HCN4: variants seen among roughly 807,000 people sequenced by gnomAD.
HCN4 encodes potassium/sodium hyperpolarization-activated cyclic nucleotide-gated channel 4.
A neutral mutation model predicts 76.9 loss-of-function variants in HCN4; 29 were observed. That is an observed-to-expected ratio of 0.38 (90% CI 0.28 to 0.51). The LOEUF (loss-of-function observed/expected upper bound fraction) is 0.51. Ranked by LOEUF, HCN4 falls within the 20% of genes least tolerant of loss-of-function variation. HCN4 has a pLI of 0.90. For synonymous variants in HCN4, 772 were observed against 762.5 expected, an observed-to-expected ratio of 1.01 and a Z score of -0.21; for missense variants, 1,416 against 1,715.2, an observed-to-expected ratio of 0.83 and a Z score of 3.08.
intron 2 of HCN4, among the ~76,000 whole-genome samples, chr15:73,333,651 T>C (rs2042946357): frequency 6.6e-6 from 1 of 152,178 alleles, no homozygotes. Flanking sequence ...GCTGGGAGTC[T>C]TTCCAGGATG....
chr15:73,323,419 C>T lies in HCN4; in HGVS notation c.2674G>A (p.Ala892Thr). Residue 892 changes from alanine to threonine, a missense_variant, in exon 8 of 8, where the codon GCT becomes ACT. Around this residue, in one of 6 missense-constraint regions of HCN4, gnomAD observed 633 missense variants for 579.8 expected, o/e 1.09. Transcript: ENST00000261917. Reference sequence around the variant, plus strand: ...GCTACGCCAGCTGATGGTGTGGGAGCCGAGGGGGAGCCACAGGCCCCGGGG... The same window carrying T: ...GCTACGCCAGCTGATGGTGTGGGAGTCGAGGGGGAGCCACAGGCCCCGGGG... ...PPPGACGSPS[A>T]PTPSAGVAAT... The T allele has an allele frequency of 6.2e-7, 1 of 1,604,204 alleles. No homozygotes were observed. The highest frequency in any genetic ancestry group is 8.5e-7 in the Non-Finnish European group (1 of 1,176,206).
chr15:73,341,845 G>C (rs1284711679), intron 2 of HCN4, among the ~76,000 whole-genome samples: 1 of 152,226 alleles, frequency 6.6e-6, no homozygotes, highest in East Asian at 1.9e-4. Context: ...TATGGCACAT[G>C]CGTTCATGAC....
chr15:73,330,892 G>A (rs780008911), intron 3 of HCN4, among the ~76,000 whole-genome samples: 10 of 152,156 alleles, frequency 6.6e-5, no homozygotes, highest in Non-Finnish European at 1.0e-4. Context: ...GGCCCCCAGC[G>A]GCCTTTACTG....
chr15:73,325,265 C>T lies in HCN4; in HGVS notation c.1737+33G>A. On this transcript the variant is annotated intron_variant, in intron 5 of 7. Coordinates refer to ENST00000261917, the MANE Select transcript of HCN4 (RefSeq NM_005477.3). The surrounding 1 kb of genome is among the most constrained non-coding windows in gnomAD (Gnocchi z 7.4). ...GGAGCTGGCTGCCAGGAAGGCCTGG[C>T]TCCCCTCCACGCCGGGCCGCCACAC... 6.2e-7 allele frequency: 1 copy of T among 1,614,074 alleles called. No individual in the cohort carries two copies. The highest frequency in any genetic ancestry group is 8.5e-7 in the Non-Finnish European group (1 of 1,179,988).
Position 73,357,849 on chromosome 15 carries a change from T to G in HCN4, c.785+9637A>C, listed in dbSNP as rs927803023. Among the ~76,000 whole-genome samples, 17 of 152,142 alleles carry G rather than the reference T, an allele frequency of 1.1e-4. 4 individuals carry two copies. Among genetic ancestry groups the G allele is most frequent in the Admixed American group, 9.8e-4 (15 of 15,292 alleles). On this transcript the variant is annotated intron_variant, in intron 1 of 7. Transcript: ENST00000261917. ...CCACGTGTCCCTGGCCCCCAGGGACTGCAGAACTCTAGGATCATGACTGGC... is the reference window on the plus strand; with the variant it reads ...CCACGTGTCCCTGGCCCCCAGGGACGGCAGAACTCTAGGATCATGACTGGC...
intron 4 of HCN4, among the ~76,000 whole-genome samples, chr15:73,326,353 G>GA (rs2042899325): frequency 2.6e-5 from 4 of 152,188 alleles, no homozygotes; most frequent in Non-Finnish European, 5.9e-5. Flanking sequence ...AAACACCCAC[G>GA]GGCAAATGAG....
In HCN4 at chr15:73,358,542, G is replaced by A. The variant is rs555256215; in HGVS notation, c.785+8944C>T. On this transcript the variant is annotated intron_variant, in intron 1 of 7. Coordinates refer to ENST00000261917, the MANE Select transcript of HCN4 (RefSeq NM_005477.3). ...CTGGGCCTAGTAAGGCAGGAGAAGC[G>A]AGTCTTCTCAAAGGCTGTGCACCTA... is the stretch of plus-strand genomic sequence containing the variant. Among the ~76,000 whole-genome samples, 9 of 152,302 alleles carry A rather than the reference G, an allele frequency of 5.9e-5. 1 individual carries two copies. The South Asian group carries it at 1.4e-3, about 25-fold the overall frequency.
chr15:73,358,281 G>A (rs1045720388), intron 1 of HCN4, among the ~76,000 whole-genome samples: 1 of 152,210 alleles, frequency 6.6e-6, no homozygotes, highest in Non-Finnish European at 1.5e-5. Flanking sequence ...GGCATGAACG[G>A]GACCTGTGGA....
intron 4 of HCN4, among the ~76,000 whole-genome samples, chr15:73,326,549 G>A (rs1031607384): frequency 1.3e-5 from 2 of 152,154 alleles, no homozygotes; most frequent in East Asian, 3.9e-4. Context: ...GGGGTAGGGA[G>A]GCAGGGTCTG....
chr15:73,368,092 G>A lies in HCN4; in HGVS notation c.179C>T (p.Ala60Val). 4 of 1,493,098 alleles carry A rather than the reference G, an allele frequency of 2.7e-6. No homozygotes were observed. Among genetic ancestry groups the A allele is most frequent in the Non-Finnish European group, 3.6e-6 (4 of 1,126,420 alleles). 92.5% of individuals were successfully genotyped at this position (1,493,098 alleles called of 1,614,324 possible). Residue 60 changes from alanine to valine, a missense_variant, in exon 1 of 8, where the codon GCG (alanine) becomes GTG (valine). Coordinates refer to ENST00000261917, the MANE Select transcript of HCN4 (RefSeq NM_005477.3). This position sits in a 1 kb window ranked among gnomAD's most constrained non-coding sequence, Gnocchi z 6.9. ...LRPLPSPSPSAAAGGTESRSS... is the reference protein window; with the variant it reads ...LRPLPSPSPSVAAGGTESRSS... ...CCGGGACTCCGTGCCACCCGCGGCC[G>A]CCGAGGGGGAGGGCGAGGGCAGTGG... is the stretch of plus-strand genomic sequence containing the variant.
At position 73,332,419 on chromosome 15, in the gene HCN4, T is replaced by C. The variant is rs371873091; in HGVS notation, c.1210-127A>G. The C allele has an allele frequency of 3.2e-5, 30 of 926,348 alleles. No homozygotes were observed. The African/African-American group carries it at 3.6e-4, about 11-fold the overall frequency. The allele number at this position is 926,348 out of a possible 1,614,324, so 57.4% of individuals were successfully genotyped here. A position where few individuals can be genotyped will look rare whatever the true frequency, so the allele number is the denominator to read the frequency against. On this transcript the variant is annotated intron_variant, in intron 2 of 7. Transcript: ENST00000261917. ...TGGACTCTGCAGGGCGCCCACTCAG[T>C]GCAAATCCAGGCTGGGGGTGGGATG...
chr15:73,323,238 A>G lies in HCN4; in HGVS notation c.2855T>C (p.Leu952Pro). The G allele has an allele frequency of 6.5e-7, 1 of 1,527,606 alleles. No individual in the cohort carries two copies. The highest frequency in any genetic ancestry group is 8.8e-7 in the Non-Finnish European group (1 of 1,138,576). The allele number at this position is 1,527,606 out of a possible 1,614,324, so 94.6% of individuals were successfully genotyped here. The change falls in exon 8 of 8, where the codon CTG (leucine) becomes CCG (proline). Residue 952 changes from leucine (L) to proline (P), a missense_variant. Leu to Pro is a moderately conservative substitution (Grantham distance 98). Coordinates refer to ENST00000261917, the MANE Select transcript of HCN4 (RefSeq NM_005477.3). The part of the protein sequence containing the change: ...SPAPPGARGG[L>P]GLPEHFLPPP... The stretch of plus-strand genomic sequence containing the variant: ...TGGCAGGAAGTGCTCCGGGAGTCCC[A>G]GGCCTCCCCGGGCCCCGGGTGGCGC...
chr15:73,325,342 C>G lies in HCN4; in HGVS notation c.1693G>C (p.Asp565His), dbSNP rs201811340. The change falls in exon 5 of 8, where the codon GAC (aspartate) becomes CAC (histidine). Residue 565 changes from aspartate (D) to histidine (H), a missense_variant. Asp to His is a moderately conservative substitution (Grantham distance 81). Around this residue, in one of 6 missense-constraint regions of HCN4, gnomAD observed 241 missense variants for 379.4 expected, o/e 0.64. Transcript: ENST00000261917. The surrounding 1 kb of genome is among the most constrained non-coding windows in gnomAD (Gnocchi z 7.4). ...YEHRYQGKMF[D>H]EESILGELSE... is the part of the protein sequence containing the mutation. ...AGCTCGCCCAGGATGCTCTCCTCGT[C>G]GAACATCTTGCCCTGGTAGCGGTGC... 3.1e-6 allele frequency: 5 copies of G among 1,614,136 alleles called. No homozygotes were observed. The highest frequency in any genetic ancestry group is 4.2e-6 in the Non-Finnish European group (5 of 1,180,002).
At chr15:73,362,900 T>C (rs918528808) in intron 1 of HCN4, among the ~76,000 whole-genome samples, 1 of 152,182 alleles carries the variant, frequency 6.6e-6, no homozygotes, top group Non-Finnish European at 1.5e-5. Flanking sequence ...CCAGGCAGTA[T>C]GGGGATCCTG....
intron 1 of HCN4, among the ~76,000 whole-genome samples, chr15:73,360,816 T>C (rs2043101790): frequency 6.6e-6 from 1 of 152,208 alleles, no homozygotes. Flanking sequence ...TAGTCTCTGT[T>C]GATTTGAGTC....
At chr15:73,329,542 C>A in intron 4 of HCN4, 31 bp downstream of exon 4, 1 of 1,607,432 alleles carries the variant, frequency 6.2e-7, no homozygotes, top group Non-Finnish European at 8.5e-7. Flanking sequence ...TGGGAGGGAC[C>A]AATGTGCGGG....
Position 73,368,328 on chromosome 15 carries a change from G to T in HCN4, c.-58C>A. On this transcript the variant is annotated 5_prime_UTR_variant, in exon 1 of 8. Coordinates refer to ENST00000261917, the MANE Select transcript of HCN4 (RefSeq NM_005477.3). This position sits in a 1 kb window ranked among gnomAD's most constrained non-coding sequence, Gnocchi z 6.9. ...GGCAGGAGCGCGGCGCCGCGGACGG[G>T]CTCCAGGTCCGCCCGCCGGTCAGTC... 1 of 1,256,148 alleles carries T rather than the reference G, an allele frequency of 8.0e-7. No homozygotes were observed. The highest frequency in any genetic ancestry group is 1.0e-6 in the Non-Finnish European group (1 of 975,358). 77.8% of individuals were successfully genotyped at this position (1,256,148 alleles called of 1,614,324 possible).
In HCN4 at chr15:73,351,252, G is replaced by A. The variant is rs183239505; in HGVS notation, c.786-7444C>T. On this transcript the variant is annotated intron_variant, in intron 1 of 7. Coordinates refer to ENST00000261917, the MANE Select transcript of HCN4 (RefSeq NM_005477.3). ...GACCTTTCCATGTTTTTGCTCCTTG[G>A]GGCCCTCATCTCTTCCCGCTCTGTG... Among the ~76,000 whole-genome samples, 4 of 151,880 alleles carry A rather than the reference G, an allele frequency of 2.6e-5. No individual in the cohort carries two copies. In the East Asian group the frequency reaches 5.8e-4, roughly 22 times the overall value.
At position 73,367,884 on chromosome 15, in the gene HCN4, C is replaced by A; in HGVS notation, c.387G>T (p.Arg129=). 7.3e-7 allele frequency: 1 copy of A among 1,362,754 alleles called. No homozygotes were observed. Among genetic ancestry groups the A allele is most frequent in the Non-Finnish European group, 9.5e-7 (1 of 1,055,488 alleles). The allele number at this position is 1,362,754 out of a possible 1,614,324, so 84.4% of individuals were successfully genotyped here. A position where few individuals can be genotyped will look rare whatever the true frequency, so the allele number is the denominator to read the frequency against. Residue 129 remains arginine, a synonymous_variant, in exon 1 of 8, where the codon CGG becomes CGT. Coordinates refer to ENST00000261917, the MANE Select transcript of HCN4 (RefSeq NM_005477.3). This position sits in a 1 kb window ranked among gnomAD's most constrained non-coding sequence, Gnocchi z 7.5. ...ACGCGTCGCCCTCGGCGATGAGCCG[C>A]CGCTCCTCCGCGGAGTCATGCAGGT... is the stretch of plus-strand genomic sequence containing the variant. The part of the protein sequence containing the change: ...HGHLHDSAEE[R]RLIAEGDASP...
Sources: gnomAD v4.1 joint callset for allele counts (sites outside exome capture counted in the v4.1 genomes callset) on GRCh38, gnomAD v4.1.1 for gene constraint, gnomAD v4.1.1 regional missense constraint, Gnocchi (gnomAD v3.1) non-coding constraint, MANE v1.5 for transcripts, NCBI Gene and HGNC (gene_info 2026-07-23, HGNC 2026-07-21) for gene names.